SLC22A3: variants seen among roughly 807,000 people sequenced by gnomAD.
SLC22A3 encodes the protein EMT organic cation transporter 3.
In SLC22A3, 51 loss-of-function variants were observed where a neutral mutation model predicts 59.1. The ratio of observed to expected loss-of-function variants is 0.86; its 90% CI spans 0.69 to 1.09. The LOEUF (loss-of-function observed/expected upper bound fraction) is 1.09, where lower values mean the gene tolerates loss of function less well. Ranked by LOEUF, SLC22A3 falls within the 50% of genes least tolerant of loss-of-function variation. SLC22A3 has a pLI of 0.00. For synonymous variants in SLC22A3, 325 were observed against 292.0 expected, an observed-to-expected ratio of 1.11 and a Z score of -1.15; for missense variants, 711 against 726.3, an observed-to-expected ratio of 0.98 and a Z score of 0.24.
chr6:160,435,921 G>A (rs1788319001), intron 5 of SLC22A3, among the ~76,000 whole-genome samples: 1 of 152,152 alleles, frequency 6.6e-6, no homozygotes, highest in Non-Finnish European at 1.5e-5. Flanking sequence ...CGCCTTCCAA[G>A]AGCTCCAGAC....
At chr6:160,355,798 A>AAC (rs10645306) in intron 1 of SLC22A3, among the ~76,000 whole-genome samples, 38,828 of 150,552 alleles carry the variant, frequency 0.26, 5,002 homozygotes, top group East Asian at 0.3. Flanking sequence ...CAACAACAAC[A>AAC]AAAAACTTGT....
At chr6:160,442,640 T>C (rs1174467945) in intron 7 of SLC22A3, 121 bp from the exon 8 acceptor site, 1 of 742,948 alleles carries the variant, frequency 1.3e-6, no homozygotes, top group Admixed American at 2.0e-5. Context: ...CTATCATTTG[T>C]GCTTAAAATT....
chr6:160,350,364 T>G (rs896781553), intron 1 of SLC22A3, among the ~76,000 whole-genome samples: 5 of 152,220 alleles, frequency 3.3e-5, no homozygotes, highest in African/African-American at 7.2e-5. Flanking sequence ...AATACATATG[T>G]GTGTTGGGAT....
At chr6:160,369,143 A>G (rs975648675) in intron 1 of SLC22A3, among the ~76,000 whole-genome samples, 5 of 152,214 alleles carry the variant, frequency 3.3e-5, no homozygotes, top group Non-Finnish European at 7.3e-5. Flanking sequence ...TTTTCATATC[A>G]ATGATTGCAT....
At chr6:160,402,294 G>A (rs1470996351) in intron 2 of SLC22A3, among the ~76,000 whole-genome samples, 2 of 151,784 alleles carry the variant, frequency 1.3e-5, no homozygotes, top group African/African-American at 4.8e-5. Context: ...GGATAAAAAC[G>A]GGCATTATAT....
intron 5 of SLC22A3, among the ~76,000 whole-genome samples, chr6:160,414,280 T>G (rs1038499896): frequency 1.3e-5 from 2 of 152,230 alleles, no homozygotes; most frequent in African/African-American, 4.8e-5. Context: ...TCTCATCTTA[T>G]CATTACTTCT....
intron 8 of SLC22A3, 140 bp downstream of exon 8, chr6:160,443,009 T>C (rs539124761): frequency 1.4e-6 from 1 of 720,640 alleles, no homozygotes; most frequent in African/African-American, 1.8e-5. Flanking sequence ...GTAAAGAAGA[T>C]ATGCTTTGAG....
At chr6:160,445,903 C>T (rs983527969) in intron 9 of SLC22A3, among the ~76,000 whole-genome samples, 7 of 152,168 alleles carry the variant, frequency 4.6e-5, no homozygotes, top group African/African-American at 7.2e-5. Context: ...GGCTCAACAC[C>T]GCTGAGCTCA....
At chr6:160,375,509 G>A (rs1785557790) in intron 1 of SLC22A3, among the ~76,000 whole-genome samples, 1 of 151,972 alleles carries the variant, frequency 6.6e-6, no homozygotes, top group Non-Finnish European at 1.5e-5. Flanking sequence ...AAAGTGGTGT[G>A]TAGAGGGAAA....
chr6:160,446,738 A>C (rs1324053229), intron 9 of SLC22A3, among the ~76,000 whole-genome samples: 1 of 152,262 alleles, frequency 6.6e-6, no homozygotes. Context: ...AGATATCATC[A>C]AAAAGTAAAG....
At chr6:160,450,257 C>T (rs1298578755) in intron 10 of SLC22A3, among the ~76,000 whole-genome samples, 1 of 152,142 alleles carries the variant, frequency 6.6e-6, no homozygotes, top group Non-Finnish European at 1.5e-5. Context: ...GCATTCCTTT[C>T]CCAGGGTCTT....
chr6:160,449,325 T>C (rs1377679580), intron 10 of SLC22A3, among the ~76,000 whole-genome samples: 3 of 152,276 alleles, frequency 2.0e-5, no homozygotes, highest in African/African-American at 7.2e-5. Context: ...TGAAGGATTA[T>C]ACCAGCAAAA....
chr6:160,374,197 T>G (rs1315732928), intron 1 of SLC22A3, among the ~76,000 whole-genome samples: 4 of 152,190 alleles, frequency 2.6e-5, no homozygotes, highest in African/African-American at 9.7e-5. Flanking sequence ...AAGTGTAGTA[T>G]CTGGGCCAGA....
At chr6:160,395,764 T>G (rs147974392) in intron 1 of SLC22A3, among the ~76,000 whole-genome samples, 46 of 152,348 alleles carry the variant, frequency 3.0e-4, no homozygotes, top group African/African-American at 9.1e-4. Context: ...AGAAGCCAAC[T>G]ACTACTGCCT....
chr6:160,396,730 T>G (rs1250358940), intron 1 of SLC22A3, among the ~76,000 whole-genome samples: 1 of 152,172 alleles, frequency 6.6e-6, no homozygotes, highest in Admixed American at 6.5e-5. Context: ...AATAATTATT[T>G]CTTAAAATTT....
Position 160,414,090 on chromosome 6 carries a change from AT to A in SLC22A3, c.975+3245del, listed in dbSNP as rs148476853. Reference sequence around the variant, plus strand: ...ATATTCCCTGTCAATTGGTAGTTAGATCTAGAGCTTAATCAAGTTCAAGTTT... The same window carrying A: ...ATATTCCCTGTCAATTGGTAGTTAGACTAGAGCTTAATCAAGTTCAAGTTT... On this transcript the variant is annotated intron_variant, in intron 5 of 10. Coordinates refer to ENST00000275300, the MANE Select transcript of SLC22A3 (RefSeq NM_021977.4). 4.5e-4 allele frequency among the ~76,000 whole-genome samples: 68 copies of A among 152,288 alleles called. 2 individuals are homozygous for A. In the East Asian group the frequency reaches 0.012, roughly 28 times the overall value.
intron 5 of SLC22A3, among the ~76,000 whole-genome samples, chr6:160,435,143 CTG>C (rs1291527531): frequency 6.6e-6 from 1 of 152,200 alleles, no homozygotes; most frequent in Non-Finnish European, 1.5e-5. Flanking sequence ...GAAAAAATGA[CTG>C]TCACTAGGCT....
chr6:160,447,035 G>A (rs1372368965), intron 9 of SLC22A3, among the ~76,000 whole-genome samples: 2 of 152,202 alleles, frequency 1.3e-5, no homozygotes, highest in African/African-American at 4.8e-5. Context: ...GCATTTACCA[G>A]CACACCACTA....
Position 160,447,792 on chromosome 6 carries a change from A to T in SLC22A3, c.1584A>T (p.Thr528=), listed in dbSNP as rs1464807712. Residue 528 remains threonine, a synonymous_variant, in exon 10 of 11, where the codon ACA becomes ACT. Coordinates refer to ENST00000275300, the MANE Select transcript of SLC22A3 (RefSeq NM_021977.4). ...CCAAGGGTATTGCCTTGCCAGAGAC[A>T]GTGGATGATGTAGAAAAACTTGGCA... The part of the protein sequence containing the change: ...PETKGIALPE[T]VDDVEKLGSP... The T allele has an allele frequency of 6.2e-7, 1 of 1,614,114 alleles. No homozygotes were observed. Among genetic ancestry groups the T allele is most frequent in the Non-Finnish European group, 8.5e-7 (1 of 1,179,986 alleles).
Sources: allele counts gnomAD v4.1 joint callset (sites outside exome capture counted in the v4.1 genomes callset), GRCh38; gene constraint gnomAD v4.1.1; transcripts MANE v1.5; gene names NCBI Gene and HGNC (gene_info 2026-07-23, HGNC 2026-07-21).